CSMD1: variants seen among roughly 807,000 people sequenced by gnomAD.
CSMD1 encodes the protein CUB and sushi domain-containing protein 1.
Under a neutral mutation model 417.5 loss-of-function variants are expected in CSMD1, and 213 were observed. The ratio of observed to expected loss-of-function variants is 0.51; its 90% CI spans 0.46 to 0.57. The LOEUF (loss-of-function observed/expected upper bound fraction) is 0.57. CSMD1 is among the 20% of genes least tolerant of loss of function. The pLI, the probability that CSMD1 is intolerant of heterozygous loss-of-function variation, is 0.00. For missense variants in CSMD1, 6,923 were observed against 4,529.7 expected, an observed-to-expected ratio of 1.53 and a Z score of -15.17; for synonymous variants, 2,862 against 1,736.8, an observed-to-expected ratio of 1.65 and a Z score of -16.11.
chr8:3,685,866 G>A (rs150857195), intron 7 of CSMD1, among the ~76,000 whole-genome samples: 131 of 152,082 alleles, frequency 8.6e-4, no homozygotes, highest in Middle Eastern at 3.4e-3. Context: ...GGAGAATGGG[G>A]TATCCATCCC....
chr8:3,464,277 G>C (rs1162360528), intron 12 of CSMD1, among the ~76,000 whole-genome samples: 1 of 152,064 alleles, frequency 6.6e-6, no homozygotes, highest in African/African-American at 2.4e-5. Flanking sequence ...CCATAAAAAC[G>C]TGGGACCACT....
intron 5 of CSMD1, among the ~76,000 whole-genome samples, chr8:3,991,591 A>G (rs1028124763): frequency 1.3e-5 from 2 of 152,178 alleles, no homozygotes; most frequent in African/African-American, 4.8e-5. Context: ...GCTAGTGATG[A>G]CTCCACCACA....
intron 2 of CSMD1, among the ~76,000 whole-genome samples, chr8:4,469,111 G>C (rs1442318666): frequency 3.3e-5 from 5 of 152,154 alleles, no homozygotes; most frequent in Non-Finnish European, 5.9e-5. Flanking sequence ...GTTTGGTGTG[G>C]CCTCCCTGGA....
At chr8:4,838,816 A>C (rs1800663417) in intron 1 of CSMD1, among the ~76,000 whole-genome samples, 1 of 152,128 alleles carries the variant, frequency 6.6e-6, no homozygotes, top group Non-Finnish European at 1.5e-5. Flanking sequence ...TCCCAAACCA[A>C]GTGCTTCCAT....
At chr8:3,463,815 G>T (rs550436420) in intron 12 of CSMD1, among the ~76,000 whole-genome samples, 7 of 152,280 alleles carry the variant, frequency 4.6e-5, no homozygotes, top group Non-Finnish European at 8.8e-5. Context: ...GCCAAGAATG[G>T]TAAAGATGCT....
chr8:4,130,228 G>A (rs558469439), intron 3 of CSMD1, among the ~76,000 whole-genome samples: 1 of 152,046 alleles, frequency 6.6e-6, no homozygotes, highest in Non-Finnish European at 1.5e-5. Context: ...CTTCTTGTCA[G>A]TCTAGTATGT....
intron 49 of CSMD1, among the ~76,000 whole-genome samples, chr8:3,072,135 G>C (rs754781082): frequency 6.6e-6 from 1 of 152,136 alleles, no homozygotes; most frequent in Non-Finnish European, 1.5e-5. Flanking sequence ...AGAAAGTCTC[G>C]AGTCTCAGGG....
chr8:3,951,955 G>A (rs969210407), intron 5 of CSMD1, among the ~76,000 whole-genome samples: 1 of 152,124 alleles, frequency 6.6e-6, no homozygotes, highest in East Asian at 1.9e-4. Flanking sequence ...ACATAATTAT[G>A]AAAGTAATAA....
In CSMD1 at chr8:3,087,278, G is replaced by C; in HGVS notation, c.7293C>G (p.Tyr2431Ter). The C allele has an allele frequency of 6.2e-7, 1 of 1,613,752 alleles. No individual in the cohort carries two copies. The highest frequency in any genetic ancestry group is 8.5e-7 in the Non-Finnish European group (1 of 1,179,684). Residue 2431 changes from tyrosine (Y) to a stop codon, truncating the protein, a stop_gained, in exon 49 of 70, where the codon TAC (tyrosine) becomes TAG (stop). Transcript: ENST00000635120. LOFTEE classifies it high-confidence loss of function. The part of the protein sequence containing the change: ...KGFKIRYAAP[Y>*]CSLTHPLKNG... ...TCTTCAGGGGGTGGGTCAAACTGCAGTAAGGTGCTGTGGGCAGACAGACAC... is the reference window on the plus strand; with the variant it reads ...TCTTCAGGGGGTGGGTCAAACTGCACTAAGGTGCTGTGGGCAGACAGACAC...
chr8:4,466,993 C>T (rs1358535979), intron 2 of CSMD1, among the ~76,000 whole-genome samples: 1 of 151,878 alleles, frequency 6.6e-6, no homozygotes, highest in Non-Finnish European at 1.5e-5. Flanking sequence ...GCTGTGGGAG[C>T]TTTCTCAACA....
intron 1 of CSMD1, among the ~76,000 whole-genome samples, chr8:4,944,296 A>G (rs1183534872): frequency 6.6e-6 from 1 of 152,220 alleles, no homozygotes; most frequent in African/African-American, 2.4e-5. Flanking sequence ...ATGGAGATCA[A>G]TGCAAAGTTT....
At chr8:4,578,002 A>G (rs1229235097) in intron 2 of CSMD1, among the ~76,000 whole-genome samples, 6 of 152,196 alleles carry the variant, frequency 3.9e-5, no homozygotes, top group Non-Finnish European at 8.8e-5. Context: ...CGGGGATCAC[A>G]TATTTGGTGG....
At chr8:3,921,567 T>C (rs577690576) in intron 5 of CSMD1, among the ~76,000 whole-genome samples, 1 of 152,138 alleles carries the variant, frequency 6.6e-6, no homozygotes, top group African/African-American at 2.4e-5. Context: ...TTTTGCTTCA[T>C]CTATTTTGGT....
At chr8:4,541,566 G>A (rs1797388275) in intron 2 of CSMD1, among the ~76,000 whole-genome samples, 1 of 151,780 alleles carries the variant, frequency 6.6e-6, no homozygotes, top group African/African-American at 2.4e-5. Context: ...TGGCCACCAT[G>A]GTAAAACCCT....
At chr8:4,140,983 A>G (rs1034244880) in intron 3 of CSMD1, among the ~76,000 whole-genome samples, 1 of 151,254 alleles carries the variant, frequency 6.6e-6, no homozygotes, top group Non-Finnish European at 1.5e-5. Flanking sequence ...AGAAAACATA[A>G]AAGATTTAGG....
At chr8:3,940,011 A>G (rs1211555795) in intron 5 of CSMD1, among the ~76,000 whole-genome samples, 1 of 152,170 alleles carries the variant, frequency 6.6e-6, no homozygotes, top group Non-Finnish European at 1.5e-5. Flanking sequence ...AACTACTGAA[A>G]TAAAAAATAA....
At chr8:3,685,612 C>T (rs75002886) in intron 7 of CSMD1, among the ~76,000 whole-genome samples, 4 of 152,096 alleles carry the variant, frequency 2.6e-5, no homozygotes, top group Admixed American at 2.6e-4. Flanking sequence ...ATATGGTGAT[C>T]TGGTGAGTTT....
chr8:4,424,206 A>C (rs1585052444), intron 2 of CSMD1, among the ~76,000 whole-genome samples: 1 of 152,094 alleles, frequency 6.6e-6, no homozygotes, highest in African/African-American at 2.4e-5. Context: ...TTTCATAAAA[A>C]TTAAAAACTT....
chr8:3,110,384 G>A (rs73183533), intron 42 of CSMD1, 49 bp from the exon 43 acceptor site: 398,487 of 1,475,378 alleles, frequency 0.27, 55,334 homozygotes, highest in Non-Finnish European at 0.29. Context: ...TGATTTTAGA[G>A]AGTAGAAAGC....
Sources: allele counts gnomAD v4.1 joint callset (sites outside exome capture counted in the v4.1 genomes callset), GRCh38; gene constraint gnomAD v4.1.1; transcripts MANE v1.5; gene names NCBI Gene and HGNC (gene_info 2026-07-23, HGNC 2026-07-21).